PNPLA5: variants seen among roughly 807,000 people sequenced by gnomAD.
The protein encoded by PNPLA5 is patatin like domain 5, triacylglycerol lipase.
A neutral mutation model predicts 49.1 loss-of-function variants in PNPLA5; 44 were observed. That is an observed-to-expected ratio of 0.90 (90% CI 0.70 to 1.15). The LOEUF (loss-of-function observed/expected upper bound fraction) is 1.15. Among genes scored for constraint, PNPLA5 ranks in the 50% most tolerant of loss-of-function variants. The pLI is 0.00. For missense variants in PNPLA5, 603 were observed against 564.0 expected (o/e 1.07, Z -0.70); for synonymous variants, 243 against 244.4 (o/e 0.99, Z 0.06).
At chr22:43,891,568 A>G (rs2049723507) in intron 1 of PNPLA5, 120 bp downstream of exon 1, 1 of 1,347,150 alleles carries the variant, frequency 7.4e-7, no homozygotes. Flanking sequence ...ATGGGATTAA[A>G]TGAGGCTGTG....
At position 43,891,693 on chromosome 22, in the gene PNPLA5, G is replaced by A; in HGVS notation, c.188C>T (p.Ser63Leu). Residue 63 changes from serine (S) to leucine (L), a missense_variant, in exon 1 of 9, where the codon TCG (serine) becomes TTG (leucine). Coordinates refer to ENST00000216177, the MANE Select transcript of PNPLA5 (RefSeq NM_138814.4). ...LNAVSIVCGKSVDFCCSHLLG... is the reference protein window; with the variant it reads ...LNAVSIVCGKLVDFCCSHLLG... Reference sequence around the variant, plus strand: ...CCCCGCGGTCCGGGACTCACCGACCGACTTGCCGCAGACGATGCTGACTGC... The same window carrying A: ...CCCCGCGGTCCGGGACTCACCGACCAACTTGCCGCAGACGATGCTGACTGC... 6.5e-7 allele frequency: 1 copy of A among 1,546,378 alleles called. No homozygotes were observed.
chr22:43,882,438 G>T (rs75638376), intron 7 of PNPLA5, among the ~76,000 whole-genome samples: 1 of 152,344 alleles, frequency 6.6e-6, no homozygotes, highest in Non-Finnish European at 1.5e-5. Context: ...CACCCTTGGA[G>T]GGGCCCCTAC....
chr22:43,882,323 C>T (rs1410986984), intron 7 of PNPLA5, among the ~76,000 whole-genome samples: 1 of 152,226 alleles, frequency 6.6e-6, no homozygotes. Context: ...GGAGAGACAG[C>T]ATGAGTCTGT....
intron 8 of PNPLA5, among the ~76,000 whole-genome samples, chr22:43,881,283 G>A (rs545100081): frequency 3.9e-5 from 6 of 152,338 alleles, no homozygotes; most frequent in African/African-American, 9.6e-5. Context: ...TGGTGAAGCC[G>A]CAAGAGGCAC....
chr22:43,889,582 G>A, intron 3 of PNPLA5, 44 bp from the exon 4 acceptor site: 4 of 1,562,206 alleles, frequency 2.6e-6, no homozygotes, highest in Non-Finnish European at 3.5e-6. Flanking sequence ...CCCTCTCAGA[G>A]GGCCTCCCAC....
chr22:43,886,114 G>C (rs149847233), intron 6 of PNPLA5, among the ~76,000 whole-genome samples, 189 bp downstream of exon 6: 218 of 152,324 alleles, frequency 1.4e-3, no homozygotes, highest in Non-Finnish European at 2.2e-3. Flanking sequence ...CCTAGGCCCA[G>C]GGTTGTGGGG....
At chr22:43,891,528 G>T in intron 1 of PNPLA5, 160 bp downstream of exon 1, 1 of 844,104 alleles carries the variant, frequency 1.2e-6, no homozygotes, top group Non-Finnish European at 1.4e-6. Context: ...GCAAATGGGG[G>T]TCACCTAGTC....
At chr22:43,887,191 A>T (rs2049673917) in intron 5 of PNPLA5, among the ~76,000 whole-genome samples, 1 of 151,944 alleles carries the variant, frequency 6.6e-6, no homozygotes, top group South Asian at 2.1e-4. Flanking sequence ...CTTTTGCTGG[A>T]ATCTTCAATT....
Position 43,891,161 on chromosome 22 carries a change from G to T in PNPLA5, c.327C>A (p.His109Gln), listed in dbSNP as rs1266997933. The T allele has an allele frequency of 6.2e-7, 1 of 1,600,970 alleles. No homozygotes were observed. The highest frequency in any genetic ancestry group is 1.1e-5 in the South Asian group (1 of 90,148). Residue 109 changes from histidine (H) to glutamine (Q), a missense_variant, in exon 2 of 9, where the codon CAC becomes CAA. His to Gln is a conservative substitution (Grantham distance 24, BLOSUM62 0). Coordinates refer to ENST00000216177, the MANE Select transcript of PNPLA5 (RefSeq NM_138814.4). ...TGCCCAGCCGCTGGGAGGCCAGGAC[G>T]TGGGCGTCGGGGGGCAGAGCATCCT... Reference protein sequence around the residue: ...QLQDALPPDAHVLASQRLGIS... With the variant: ...QLQDALPPDAQVLASQRLGIS...
intron 4 of PNPLA5, among the ~76,000 whole-genome samples, chr22:43,888,396 G>GTGTA (rs925040647): frequency 6.8e-6 from 1 of 145,990 alleles, no homozygotes; most frequent in Admixed American, 7.0e-5. Context: ...GTGTGTGTGT[G>GTGTA]TGTGTGTGTG....
intron 6 of PNPLA5, among the ~76,000 whole-genome samples, chr22:43,885,124 G>T (rs1360396140): frequency 4.6e-5 from 7 of 152,224 alleles, no homozygotes; most frequent in Non-Finnish European, 1.0e-4. Flanking sequence ...CCCAAATGGC[G>T]AGGGCGCAGC....
chr22:43,880,674 G>A lies in PNPLA5; in HGVS notation c.*121C>T. On this transcript the variant is annotated 3_prime_UTR_variant, in exon 9 of 9. Coordinates refer to ENST00000216177, the MANE Select transcript of PNPLA5 (RefSeq NM_138814.4). ...CGCCCCAAGGAACGGGCTCCAAGCT[G>A]CAGGGTCTCCACGGAGATTGGCAGG... The A allele has an allele frequency of 9.9e-7, 1 of 1,014,478 alleles. No homozygotes were observed. The highest frequency in any genetic ancestry group is 1.3e-6 in the Non-Finnish European group (1 of 785,926). The allele number at this position is 1,014,478 out of a possible 1,614,324, so 62.8% of individuals were successfully genotyped here. A position where few individuals can be genotyped will look rare whatever the true frequency, so the allele number is the denominator to read the frequency against.
At chr22:43,881,442 TA>T in intron 8 of PNPLA5, 115 bp downstream of exon 8, 1 of 1,062,792 alleles carries the variant, frequency 9.4e-7, no homozygotes, top group South Asian at 1.6e-5. Flanking sequence ...GGGACGCAGG[TA>T]AGCAGGTGGG....
intron 4 of PNPLA5, among the ~76,000 whole-genome samples, chr22:43,888,411 T>TGTGTGTGTGTG (rs2049688550): frequency 7.4e-6 from 1 of 134,598 alleles, no homozygotes; most frequent in African/African-American, 2.7e-5. Context: ...TGTGTGTGTG[T>TGTGTGTGTGTG]TTCTTTCTTT....
At chr22:43,890,946 C>A in intron 2 of PNPLA5, 116 bp downstream of exon 2, 2 of 1,349,916 alleles carry the variant, frequency 1.5e-6, no homozygotes. Flanking sequence ...ACAGGTCCAC[C>A]CGCCCTCCCT....
chr22:43,888,414 C>G (rs866842019), intron 4 of PNPLA5, among the ~76,000 whole-genome samples: 34 of 71,064 alleles, frequency 4.8e-4, no homozygotes, highest in African/African-American at 8.2e-4. Flanking sequence ...GTGTGTGTTT[C>G]TTTCTTTCCT....
intron 7 of PNPLA5, 106 bp downstream of exon 7, chr22:43,884,106 CA>C (rs2049637390): frequency 1.3e-4 from 123 of 943,310 alleles, no homozygotes; most frequent in East Asian, 3.8e-4. Context: ...GGGCTCCCCC[CA>C]CCCCGCCGAG....
At chr22:43,886,266 G>T (rs757288976) in intron 6 of PNPLA5, 37 bp downstream of exon 6, 1 of 1,588,938 alleles carries the variant, frequency 6.3e-7, no homozygotes, top group Non-Finnish European at 8.6e-7. Flanking sequence ...TGAGTGCAGG[G>T]CCCTGGTAGG....
intron 6 of PNPLA5, among the ~76,000 whole-genome samples, chr22:43,885,167 C>G (rs1318452263): frequency 6.6e-6 from 1 of 152,250 alleles, no homozygotes; most frequent in African/African-American, 2.4e-5. Context: ...CGAGGCAGCT[C>G]TCTGGTGCCC....
Sources: gnomAD v4.1 joint callset for allele counts (sites outside exome capture counted in the v4.1 genomes callset) on GRCh38, gnomAD v4.1.1 for gene constraint, MANE v1.5 for transcripts, NCBI Gene and HGNC (gene_info 2026-07-23, HGNC 2026-07-21) for gene names.